Variants in CA5B observed in about 807,000 individuals in gnomAD.
CA5B encodes the protein carbonic anhydrase 5B, mitochondrial.
Under a neutral mutation model 23.1 loss-of-function variants are expected in CA5B, and 15 were observed. The ratio of observed to expected loss-of-function variants is 0.65; its 90% CI spans 0.43 to 1.00. The LOEUF (loss-of-function observed/expected upper bound fraction) is 1.00. CA5B is among the 50% of genes least tolerant of loss of function. CA5B has a pLI of 0.00. For synonymous variants in CA5B, 84 were observed against 98.5 expected, an observed-to-expected ratio of 0.85 and a Z score of 0.87; for missense variants, 236 against 252.2, an observed-to-expected ratio of 0.94 and a Z score of 0.43.
intron 1 of CA5B, among the ~76,000 whole-genome samples, chrX:15,742,576 G>A (rs1931144285): frequency 8.9e-6 from 1 of 112,459 alleles, no homozygotes; most frequent in South Asian, 3.6e-4. Context: ...GTTTCACCAT[G>A]TTGGCCAGAC....
At chrX:15,776,308 T>C (rs374124001) in intron 6 of CA5B, among the ~76,000 whole-genome samples, 24 of 85,728 alleles carry the variant, frequency 2.8e-4, no homozygotes, top group South Asian at 1.1e-3. Flanking sequence ...CACTGCACTC[T>C]AGCCTGGGCG....
chrX:15,748,397 C>T (rs1931281648), intron 1 of CA5B, among the ~76,000 whole-genome samples: 2 of 111,545 alleles, frequency 1.8e-5, no homozygotes, highest in African/African-American at 6.5e-5. Context: ...TCCTCACTAT[C>T]TGCCTAAGTA....
intron 3 of CA5B, 108 bp downstream of exon 3, chrX:15,764,883 T>C: frequency 9.5e-7 from 1 of 1,055,902 alleles, no homozygotes; most frequent in Non-Finnish European, 1.3e-6. Flanking sequence ...TTGTGAGCAA[T>C]GGCATGGAAC....
intron 1 of CA5B, among the ~76,000 whole-genome samples, chrX:15,745,118 G>A (rs1931198631): frequency 1.0e-5 from 1 of 98,994 alleles, no homozygotes; most frequent in African/African-American, 3.8e-5. Context: ...GCAGTGAGCC[G>A]AGATCGCACC....
At chrX:15,739,281 A>G (rs928022269) in intron 1 of CA5B, among the ~76,000 whole-genome samples, 4 of 111,564 alleles carry the variant, frequency 3.6e-5, no homozygotes, top group African/African-American at 1.3e-4. Context: ...TCTGCTGTTT[A>G]AAAGTCTTGC....
chrX:15,779,928 G>T (rs988963740), intron 7 of CA5B, among the ~76,000 whole-genome samples: 1 of 111,459 alleles, frequency 9.0e-6, no homozygotes, highest in Admixed American at 9.5e-5. Flanking sequence ...TTGTAAATAC[G>T]ATTTCAACAA....
chrX:15,779,837 C>A (rs1234109491), intron 7 of CA5B, among the ~76,000 whole-genome samples: 2 of 111,764 alleles, frequency 1.8e-5, no homozygotes, highest in Non-Finnish European at 3.8e-5. Flanking sequence ...ACTTATATTC[C>A]TTCTAGAAAA....
chrX:15,769,753 G>A (rs1372626284), intron 3 of CA5B: 1 of 220,486 alleles, frequency 4.5e-6, no homozygotes, highest in African/African-American at 3.0e-5. Context: ...CATCACTATA[G>A]TCTAATTTTA....
intron 1 of CA5B, among the ~76,000 whole-genome samples, chrX:15,740,013 T>C (rs769009790): frequency 8.9e-6 from 1 of 112,120 alleles, no homozygotes; most frequent in South Asian, 3.7e-4. Flanking sequence ...TATGAATGGC[T>C]TAATCAGGCA....
At chrX:15,766,311 G>C (rs1302177841) in intron 3 of CA5B, among the ~76,000 whole-genome samples, 2 of 111,096 alleles carry the variant, frequency 1.8e-5, no homozygotes, top group Non-Finnish European at 3.8e-5. Flanking sequence ...TGCTCCTCCA[G>C]TGGGCTTAAT....
chrX:15,740,286 A>G (rs1931092185), intron 1 of CA5B, among the ~76,000 whole-genome samples: 1 of 112,435 alleles, frequency 8.9e-6, no homozygotes, highest in East Asian at 2.8e-4. Context: ...ACAGTAATGT[A>G]TGGTATTAGT....
At chrX:15,768,806 A>G (rs1347992655) in intron 3 of CA5B, 1 of 112,429 alleles carries the variant, frequency 8.9e-6, no homozygotes, top group African/African-American at 3.2e-5. Context: ...CAATTCTAGA[A>G]AAGTAAAAAC....
At chrX:15,760,768 TACAA>T (rs1217754295) in intron 2 of CA5B, among the ~76,000 whole-genome samples, 2 of 111,605 alleles carry the variant, frequency 1.8e-5, no homozygotes, top group African/African-American at 6.5e-5. Context: ...CAGGAATCTT[TACAA>T]ACAGAATCAG....
intron 3 of CA5B, among the ~76,000 whole-genome samples, chrX:15,765,663 G>A (rs1931692240): frequency 2.7e-5 from 3 of 109,159 alleles, no homozygotes; most frequent in African/African-American, 6.7e-5. Flanking sequence ...ATCCGAAGGC[G>A]TTTTTCATTG....
chrX:15,759,163 G>A (rs1444472878), intron 2 of CA5B, among the ~76,000 whole-genome samples: 1 of 111,458 alleles, frequency 9.0e-6, no homozygotes, highest in Admixed American at 9.6e-5. Context: ...GGAGGAGCAC[G>A]AAGAAAGGGA....
chrX:15,752,680 G>A (rs924214987), intron 2 of CA5B, among the ~76,000 whole-genome samples: 90 of 109,525 alleles, frequency 8.2e-4, no homozygotes, highest in African/African-American at 2.8e-3. Flanking sequence ...AGCCGAGATC[G>A]CGCCACTGCA....
At chrX:15,764,921 GA>G in intron 3 of CA5B, 146 bp downstream of exon 3, 5 of 979,074 alleles carry the variant, frequency 5.1e-6, no homozygotes, top group South Asian at 2.5e-5. Flanking sequence ...TTGAATGTGT[GA>G]AAAAAAATTC....
chrX:15,758,400 G>A (rs1165916229), intron 2 of CA5B, among the ~76,000 whole-genome samples: 1 of 112,501 alleles, frequency 8.9e-6, no homozygotes, highest in African/African-American at 3.2e-5. Context: ...GTTCATGAGA[G>A]CTCTGCCTTC....
intron 1 of CA5B, among the ~76,000 whole-genome samples, chrX:15,749,206 T>C (rs1314241233): frequency 9.0e-6 from 1 of 111,590 alleles, no homozygotes; most frequent in Non-Finnish European, 1.9e-5. Context: ...TCAGGGAAAA[T>C]GGATGAAGCA....
Sources: gnomAD v4.1 joint callset for allele counts (sites outside exome capture counted in the v4.1 genomes callset) on GRCh38, gnomAD v4.1.1 for gene constraint, MANE v1.5 for transcripts, NCBI Gene and HGNC (gene_info 2026-07-23, HGNC 2026-07-21) for gene names.